Variants in ZNF704 observed in about 807,000 individuals in gnomAD.
ZNF704 encodes the protein glucocorticoid induced gene 1.
ZNF704 carries 10 observed loss-of-function variants against 44.7 expected under a neutral mutation model. That is an observed-to-expected ratio of 0.22 (90% CI 0.14 to 0.38). ZNF704 has a LOEUF of 0.38. Ranked by LOEUF, ZNF704 falls within the 10% of genes least tolerant of loss-of-function variation. The pLI is 1.00. For synonymous variants in ZNF704, 211 were observed against 207.6 expected, an observed-to-expected ratio of 1.02 and a Z score of -0.14; for missense variants, 390 against 545.5, an observed-to-expected ratio of 0.71 and a Z score of 2.84.
At chr8:80,805,863 C>G (rs1807981302) in intron 2 of ZNF704, among the ~76,000 whole-genome samples, 1 of 152,186 alleles carries the variant, frequency 6.6e-6, no homozygotes, top group Non-Finnish European at 1.5e-5. Flanking sequence ...CGTCTGCAGA[C>G]AGCAATGCAC....
At chr8:80,810,435 C>T (rs1808062856) in intron 2 of ZNF704, among the ~76,000 whole-genome samples, 1 of 152,148 alleles carries the variant, frequency 6.6e-6, no homozygotes, top group Non-Finnish European at 1.5e-5. Context: ...ATATTTGTTG[C>T]ACTTCCTAGT....
chr8:80,692,487 T>C (rs914552512), intron 3 of ZNF704, among the ~76,000 whole-genome samples: 3 of 152,188 alleles, frequency 2.0e-5, no homozygotes, highest in Admixed American at 1.3e-4. Flanking sequence ...TACCTGGGAG[T>C]GTGGATACTT....
intron 2 of ZNF704, among the ~76,000 whole-genome samples, chr8:80,713,287 G>A (rs1414856050): frequency 6.6e-6 from 1 of 152,154 alleles, no homozygotes; most frequent in South Asian, 2.1e-4. Context: ...TACTGTTGAC[G>A]TGTTACTGAG....
intron 1 of ZNF704, among the ~76,000 whole-genome samples, chr8:80,857,459 A>G (rs760506698): frequency 2.2e-4 from 34 of 152,186 alleles, no homozygotes; most frequent in Middle Eastern, 6.3e-3. Context: ...TTGTTTATGC[A>G]TCTATTGAGA....
At chr8:80,673,980 C>T (rs1585941669) in intron 4 of ZNF704, among the ~76,000 whole-genome samples, 1 of 152,226 alleles carries the variant, frequency 6.6e-6, no homozygotes, top group Non-Finnish European at 1.5e-5. Flanking sequence ...CACACACACC[C>T]AGCTCCATGA....
chr8:80,651,482 C>A (rs1027917639), intron 7 of ZNF704, among the ~76,000 whole-genome samples: 6 of 152,014 alleles, frequency 3.9e-5, no homozygotes, highest in African/African-American at 1.4e-4. Flanking sequence ...ATCTACCAAG[C>A]AAATGGAAAA....
the ZNF704 span, among the ~76,000 whole-genome samples, chr8:80,881,578 C>T: frequency 6.6e-6 from 1 of 152,090 alleles, no homozygotes; most frequent in Non-Finnish European, 1.5e-5. Flanking sequence ...GGGAGGTGAA[C>T]AGGCTTCAGG....
At chr8:80,657,051 T>C (rs1818026945) in intron 7 of ZNF704, among the ~76,000 whole-genome samples, 1 of 152,064 alleles carries the variant, frequency 6.6e-6, no homozygotes, top group Non-Finnish European at 1.5e-5. Context: ...TCCTGGAGCA[T>C]TCAGGGACAG....
At chr8:80,710,245 G>A (rs1818963278) in intron 2 of ZNF704, among the ~76,000 whole-genome samples, 1 of 152,010 alleles carries the variant, frequency 6.6e-6, no homozygotes, top group African/African-American at 2.4e-5. Context: ...CAAACCCAGG[G>A]TATAATCAAC....
In ZNF704 at chr8:80,840,234, G is replaced by A. The variant is rs78049216; in HGVS notation, c.-21-18619C>T. On this transcript the variant is annotated intron_variant, in intron 1 of 8. Transcript: ENST00000327835. ...AGCTTGTCCAACCCATGGCCTGCGG[G>A]CCGCATGAGGTCCAGGATGGCTTTG... Among the ~76,000 whole-genome samples the A allele has an allele frequency of 5.3e-4, 80 of 152,350 alleles. No individual in the cohort carries two copies. In the East Asian group the frequency reaches 0.014, roughly 28 times the overall value.
At position 80,629,221 on chromosome 8, in the gene ZNF704, A is replaced by AAAGG. The variant is rs1280881696; in HGVS notation, c.*12141_*12144dup. The AAAGG allele has an allele frequency of 6.6e-6, 1 of 152,230 alleles. No individual in the cohort carries two copies. The highest frequency in any genetic ancestry group is 2.4e-5 in the African/African-American group (1 of 41,470). The allele number at this position is 152,230 out of a possible 1,614,324, so 9.4% of individuals were successfully genotyped here. A position where few individuals can be genotyped will look rare whatever the true frequency, so the allele number is the denominator to read the frequency against. ...AGCATGGCTGTGGAGCAGTCAGGTG[A>AAAGG]AAGGTTTATCAACCTGAACCTCCAC... On this transcript the variant is annotated 3_prime_UTR_variant, in exon 9 of 9. Transcript: ENST00000327835.
At chr8:80,675,473 G>T (rs200517119) in intron 4 of ZNF704, among the ~76,000 whole-genome samples, 3,339 of 147,584 alleles carry the variant, frequency 0.023, 86 homozygotes, top group African/African-American at 0.063. Flanking sequence ...GTTTTGTTTT[G>T]TTTTTTTTTT....
chr8:80,682,874 A>G (rs1247556861), intron 4 of ZNF704, among the ~76,000 whole-genome samples: 1 of 152,210 alleles, frequency 6.6e-6, no homozygotes, highest in African/African-American at 2.4e-5. Context: ...GATGCTGAAG[A>G]GGCCAAGTGA....
chr8:80,641,897 C>A (rs1056420827), intron 8 of ZNF704, among the ~76,000 whole-genome samples: 3 of 152,188 alleles, frequency 2.0e-5, no homozygotes, highest in Non-Finnish European at 2.9e-5. Context: ...ACAGCCACTA[C>A]ACTCAACTGT....
intron 7 of ZNF704, among the ~76,000 whole-genome samples, chr8:80,657,396 A>G (rs1818032680): frequency 6.6e-6 from 1 of 152,220 alleles, no homozygotes; most frequent in Non-Finnish European, 1.5e-5. Flanking sequence ...GTGAAAGAAT[A>G]AATTAGAAGC....
At chr8:80,664,657 G>A (rs1818160153) in intron 6 of ZNF704, among the ~76,000 whole-genome samples, 158 bp downstream of exon 6, 1 of 152,248 alleles carries the variant, frequency 6.6e-6, no homozygotes, top group Non-Finnish European at 1.5e-5. Flanking sequence ...GACCCTATCT[G>A]TGTGAGATCT....
At chr8:80,731,389 A>G (rs537259931) in intron 2 of ZNF704, among the ~76,000 whole-genome samples, 3 of 152,366 alleles carry the variant, frequency 2.0e-5, no homozygotes, top group South Asian at 2.1e-4. Flanking sequence ...ATAATCAGTT[A>G]TCAATGGTAT....
At chr8:80,691,592 G>A (rs1406923856) in intron 3 of ZNF704, among the ~76,000 whole-genome samples, 1 of 151,730 alleles carries the variant, frequency 6.6e-6, no homozygotes, top group African/African-American at 2.4e-5. Context: ...TTCCTTCCTC[G>A]GCCATCTTCT....
intron 2 of ZNF704, among the ~76,000 whole-genome samples, chr8:80,729,446 T>TCAATAATGGGAA (rs1806538534): frequency 6.6e-6 from 1 of 152,160 alleles, no homozygotes; most frequent in Non-Finnish European, 1.5e-5. Context: ...ACCTACTGCC[T>TCAATAATGGGAA]GGCGTGCAGA....
Sources: gnomAD v4.1 joint callset for allele counts (sites outside exome capture counted in the v4.1 genomes callset) on GRCh38, gnomAD v4.1.1 for gene constraint, MANE v1.5 for transcripts, NCBI Gene and HGNC (gene_info 2026-07-23, HGNC 2026-07-21) for gene names.